Variants in C9orf85 observed in about 807,000 individuals in gnomAD.
The protein encoded by C9orf85 is uncharacterized protein C9orf85.
C9orf85 carries 16 observed loss-of-function variants against 14.9 expected under a neutral mutation model. The observed-to-expected ratio is 1.08, with a 90% CI of 0.73 to 1.63. The LOEUF is 1.63. Among genes scored for constraint, C9orf85 ranks in the 40% most tolerant of loss-of-function variants. The pLI is 0.00. For synonymous variants in C9orf85, 45 were observed against 56.8 expected, an observed-to-expected ratio of 0.79 and a Z score of 0.93; for missense variants, 172 against 186.1, an observed-to-expected ratio of 0.92 and a Z score of 0.44.
At chr9:71,921,564 C>G (rs1249963267) in intron 1 of C9orf85, among the ~76,000 whole-genome samples, 1 of 152,200 alleles carries the variant, frequency 6.6e-6, no homozygotes, top group East Asian at 1.9e-4. Flanking sequence ...ATGTGTTAGC[C>G]TGTAACTTCT....
chr9:71,955,018 T>G (rs1403763305), intron 2 of C9orf85, among the ~76,000 whole-genome samples: 1 of 152,184 alleles, frequency 6.6e-6, no homozygotes, highest in Non-Finnish European at 1.5e-5. Context: ...CTTTCCTTTT[T>G]TTAGCCTCTA....
chr9:71,944,245 A>AAAAG (rs1564090912), intron 1 of C9orf85, among the ~76,000 whole-genome samples: 1 of 150,444 alleles, frequency 6.6e-6, no homozygotes, highest in Non-Finnish European at 1.5e-5. Context: ...AAAAAAAAAA[A>AAAAG]AAGTTGTAGG....
chr9:71,952,984 G>C (rs1564094110), intron 2 of C9orf85, among the ~76,000 whole-genome samples: 1 of 152,042 alleles, frequency 6.6e-6, no homozygotes, highest in Non-Finnish European at 1.5e-5. Context: ...AACAGATTGG[G>C]GTCTGAGCTT....
chr9:71,974,697 C>T (rs1182441506), downstream of C9orf85, among the ~76,000 whole-genome samples: 2 of 152,082 alleles, frequency 1.3e-5, no homozygotes, highest in African/African-American at 4.8e-5. Flanking sequence ...GGAATCAGGT[C>T]GATGCATCTT....
intron 1 of C9orf85, among the ~76,000 whole-genome samples, chr9:71,914,397 C>A (rs1469371269): frequency 6.6e-6 from 1 of 151,754 alleles, no homozygotes; most frequent in African/African-American, 2.4e-5. Flanking sequence ...CAAGACAATT[C>A]TTCCAGTATG....
At chr9:71,978,809 G>T (rs374085545) in intron 3 of C9orf85, among the ~76,000 whole-genome samples, 6 of 152,224 alleles carry the variant, frequency 3.9e-5, no homozygotes, top group Non-Finnish European at 8.8e-5. Flanking sequence ...GCCAAGGTGG[G>T]TGGGTCACAA....
chr9:71,967,003 ATACT>A (rs1317568452), intron 2 of C9orf85, among the ~76,000 whole-genome samples: 2 of 152,212 alleles, frequency 1.3e-5, no homozygotes, highest in Admixed American at 6.5e-5. Context: ...GATGTTCAAA[ATACT>A]TAATAAGTTT....
rs115673214 is a variant in C9orf85, at chr9:71,922,620, A to G, written c.102+10784A>G. On this transcript the variant is annotated intron_variant, in intron 1 of 3. Coordinates refer to ENST00000334731, the MANE Select transcript of C9orf85 (RefSeq NM_182505.5). ...CGGAAATACATGCTGTCAGACTACT[A>G]TACTCTCCAGATGTGTACTAAACTC... 4.1e-3 allele frequency among the ~76,000 whole-genome samples: 630 copies of G among 152,286 alleles called. 5 individuals carry two copies. Among genetic ancestry groups the G allele is most frequent in the Middle Eastern group, 0.014 (4 of 294 alleles).
At chr9:71,952,282 A>G (rs1275299896) in intron 2 of C9orf85, among the ~76,000 whole-genome samples, 1 of 152,172 alleles carries the variant, frequency 6.6e-6, no homozygotes, top group Non-Finnish European at 1.5e-5. Flanking sequence ...AATATCACCT[A>G]TCTTGTTTAT....
chr9:71,985,026 A>G (rs1823182947), downstream of C9orf85: 1 of 152,228 alleles, frequency 6.6e-6, no homozygotes, highest in South Asian at 2.1e-4. Context: ...AAGGAATTCC[A>G]CAGCCTGTTT....
In C9orf85 at chr9:71,951,268, G is replaced by A. The variant is rs541785166; in HGVS notation, c.209+4156G>A. Among the ~76,000 whole-genome samples, 17 of 152,294 alleles carry A rather than the reference G, an allele frequency of 1.1e-4. No individual in the cohort carries two copies. The East Asian group carries it at 2.9e-3, about 26-fold the overall frequency. Reference sequence around the variant, plus strand: ...GGAAGAGAGATGAATTGAAAATTATGTATGTACTGAAGGAGGATAGGATGA... The same window carrying A: ...GGAAGAGAGATGAATTGAAAATTATATATGTACTGAAGGAGGATAGGATGA... On this transcript the variant is annotated intron_variant, in intron 2 of 3. Transcript: ENST00000334731.
chr9:71,937,133 T>A (rs1232680348), intron 1 of C9orf85, among the ~76,000 whole-genome samples: 1 of 152,174 alleles, frequency 6.6e-6, no homozygotes, highest in Non-Finnish European at 1.5e-5. Flanking sequence ...ATTTATTTGT[T>A]AAAATACAAT....
At chr9:71,924,291 A>G (rs914074563) in intron 1 of C9orf85, among the ~76,000 whole-genome samples, 1 of 152,182 alleles carries the variant, frequency 6.6e-6, no homozygotes, top group Admixed American at 6.5e-5. Context: ...ACATTTTTAG[A>G]ACTTTATGGC....
intron 2 of C9orf85, among the ~76,000 whole-genome samples, chr9:71,962,397 A>G (rs369563810): frequency 5.3e-5 from 8 of 152,342 alleles, no homozygotes; most frequent in Admixed American, 2.0e-4. Context: ...TGATCTTGCT[A>G]TGTTGACTAC....
chr9:71,923,013 C>G (rs1484625314), intron 1 of C9orf85, among the ~76,000 whole-genome samples: 2 of 152,142 alleles, frequency 1.3e-5, no homozygotes, highest in East Asian at 3.9e-4. Context: ...GCCTGTAACC[C>G]CACCTACTCG....
At chr9:71,981,598 C>G (rs536587290) in intron 3 of C9orf85, among the ~76,000 whole-genome samples, 1 of 152,182 alleles carries the variant, frequency 6.6e-6, no homozygotes, top group African/African-American at 2.4e-5. Flanking sequence ...AGTAGACTGA[C>G]TACTATATCT....
At chr9:71,917,562 C>T (rs1247839454) in intron 1 of C9orf85, among the ~76,000 whole-genome samples, 3 of 152,046 alleles carry the variant, frequency 2.0e-5, no homozygotes, top group African/African-American at 7.2e-5. Context: ...TATCTATCAA[C>T]GGGAGAATAT....
intron 2 of C9orf85, among the ~76,000 whole-genome samples, chr9:71,970,236 C>T (rs956989203): frequency 5.3e-5 from 8 of 152,182 alleles, no homozygotes; most frequent in Non-Finnish European, 1.0e-4. Context: ...GCGTGAGCCA[C>T]GGCACCCGGC....
chr9:71,950,376 GT>G (rs11336295), intron 2 of C9orf85, among the ~76,000 whole-genome samples: 150,917 of 151,740 alleles, frequency 0.99, 75,059 homozygotes, highest in Middle Eastern at 1. Flanking sequence ...TTTTGTCTTT[GT>G]TTTTTTTTGA....
Sources: gnomAD v4.1 joint callset for allele counts (sites outside exome capture counted in the v4.1 genomes callset) on GRCh38, gnomAD v4.1.1 for gene constraint, MANE v1.5 for transcripts, NCBI Gene and HGNC (gene_info 2026-07-23, HGNC 2026-07-21) for gene names.